The following RBM28 variants were observed in gnomAD, a reference collection of about 807,000 sequenced individuals.
The protein encoded by RBM28 is RNA-binding protein 28.
A neutral mutation model predicts 98.3 loss-of-function variants in RBM28; 78 were observed. The observed-to-expected ratio is 0.79, with a 90% CI of 0.66 to 0.96. RBM28 has a LOEUF of 0.96. RBM28 is among the 40% of genes least tolerant of loss of function. RBM28 has a pLI of 0.00. For missense variants in RBM28, 838 were observed against 913.0 expected (o/e 0.92, Z 1.06); for synonymous variants, 306 against 330.9 (o/e 0.92, Z 0.82).
intron 16 of RBM28, among the ~76,000 whole-genome samples, chr7:128,316,394 C>A (rs570994515): frequency 1.3e-5 from 2 of 152,280 alleles, no homozygotes; most frequent in South Asian, 4.1e-4. Flanking sequence ...ATCCAGGCAA[C>A]AAATAAAGTA....
At position 128,310,937 on chromosome 7, in the gene RBM28, A is replaced by C. The variant is rs935070483; in HGVS notation, c.2146-6T>G. The C allele has an allele frequency of 3.1e-6, 5 of 1,610,894 alleles. No individual in the cohort carries two copies. In the African/African-American group the frequency reaches 5.3e-5, roughly 17 times the overall value. On this transcript the variant is annotated splice_polypyrimidine_tract_variant and splice_region_variant and intron_variant, in intron 18 of 18. Transcript: ENST00000223073. ...TTAGCTTTTTTCCTAGATACCTACA[A>C]ATGAAAGGATTAGAAACATAATATA...
intron 11 of RBM28, among the ~76,000 whole-genome samples, 158 bp downstream of exon 11, chr7:128,325,660 A>G (rs981039596): frequency 6.6e-6 from 1 of 152,210 alleles, no homozygotes; most frequent in East Asian, 1.9e-4. Context: ...AAGATAATGC[A>G]TGTAAAGTTC....
At chr7:128,330,770 C>T (rs778832371) in intron 10 of RBM28, 49 bp downstream of exon 10, 20 of 1,302,668 alleles carry the variant, frequency 1.5e-5, no homozygotes, top group Admixed American at 1.0e-4. Flanking sequence ...TCAGTGCCCA[C>T]GGCAGTGGTC....
intron 13 of RBM28, among the ~76,000 whole-genome samples, chr7:128,322,821 C>T (rs767951641): frequency 6.6e-6 from 1 of 152,092 alleles, no homozygotes; most frequent in Non-Finnish European, 1.5e-5. Context: ...AGAATCTGTG[C>T]CCACTGAAAA....
intron 17 of RBM28, 119 bp downstream of exon 17, chr7:128,314,645 A>G (rs1246023605): frequency 1.3e-6 from 2 of 1,514,402 alleles, no homozygotes; most frequent in Non-Finnish European, 1.8e-6. Flanking sequence ...GTGTGGGAAT[A>G]CATAGCACCA....
In RBM28 at chr7:128,335,957, G is replaced by C. The variant is rs751620358; in HGVS notation, c.699C>G (p.Asn233Lys). 2.3e-5 allele frequency: 37 copies of C among 1,606,062 alleles called. No individual in the cohort carries two copies. Among genetic ancestry groups the C allele is most frequent in the Non-Finnish European group, 3.2e-5 (37 of 1,173,304 alleles). The part of the protein sequence containing the change: ...REEEDMEEEE[N>K]DDDDDDDDEE... ...CATCATCATCATCGTCATCATCATCGTTTTCTTCCTCTTCCATATCCTCTT... is the reference window on the plus strand; with the variant it reads ...CATCATCATCATCGTCATCATCATCCTTTTCTTCCTCTTCCATATCCTCTT... Residue 233 changes from asparagine (N) to lysine (K), a missense_variant, in exon 7 of 19, where the codon AAC becomes AAG. Transcript: ENST00000223073.
chr7:128,300,219 G>T lies in RBM28; in HGVS notation c.*10578C>A, dbSNP rs1272803488. The T allele has an allele frequency of 6.6e-6, 1 of 152,246 alleles. No homozygotes were observed. The highest frequency in any genetic ancestry group is 1.5e-5 in the Non-Finnish European group (1 of 68,056). The allele number at this position is 152,246 out of a possible 1,614,324, so 9.4% of individuals were successfully genotyped here. A position where few individuals can be genotyped will look rare whatever the true frequency, so the allele number is the denominator to read the frequency against. On this transcript the variant is annotated 3_prime_UTR_variant, in exon 19 of 19. Coordinates refer to ENST00000223073, the MANE Select transcript of RBM28 (RefSeq NM_018077.3). ...GGTTTTCACAAAGAAGCTCAAAGTG[G>T]AGGAATGATCTCTGGACATGAAGCC...
intron 14 of RBM28, among the ~76,000 whole-genome samples, chr7:128,320,521 C>T (rs1796209011): frequency 6.6e-6 from 1 of 152,020 alleles, no homozygotes; most frequent in South Asian, 2.1e-4. Context: ...TTGGTGTGAA[C>T]CCAGTGTTTT....
rs1795943792 is a variant in RBM28 at position 128,309,865 on chromosome 7, G to T, written c.*932C>A. The stretch of plus-strand genomic sequence containing the variant: ...TCAAGAGTCAAGAGATGGAAGGAAG[G>T]CCTGTGTAGCCAAAAGTGAATGAAG... On this transcript the variant is annotated 3_prime_UTR_variant, in exon 19 of 19. Coordinates refer to ENST00000223073, the MANE Select transcript of RBM28 (RefSeq NM_018077.3). 6.6e-6 allele frequency: 1 copy of T among 152,188 alleles called. No individual in the cohort carries two copies. Among genetic ancestry groups the T allele is most frequent in the African/African-American group, 2.4e-5 (1 of 41,392 alleles). 9.4% of individuals were successfully genotyped at this position (152,188 alleles called of 1,614,324 possible).
At position 128,343,660 on chromosome 7, in the gene RBM28, A is replaced by G. The variant is rs773641403; in HGVS notation, c.118+16T>C. On this transcript the variant is annotated intron_variant, in intron 1 of 18. Transcript: ENST00000223073. ...GCAGGAAACCCCAGCCCTATCCTCG[A>G]CCGCCCCGCCCCTACCTTTTTCAGT... 1.3e-6 allele frequency: 2 copies of G among 1,593,224 alleles called. No individual in the cohort carries two copies. Among genetic ancestry groups the G allele is most frequent in the South Asian group, 2.2e-5 (2 of 89,152 alleles).
rs752158613 is a variant in RBM28 at position 128,335,864 on chromosome 7, A to C, written c.792T>G (p.Pro264=). 6 of 1,614,148 alleles carry C rather than the reference A, an allele frequency of 3.7e-6. No individual in the cohort carries two copies. The South Asian group carries it at 6.6e-5, about 18-fold the overall frequency. Residue 264 remains proline, a synonymous_variant, in exon 7 of 19, where the codon CCT becomes CCG. Coordinates refer to ENST00000223073, the MANE Select transcript of RBM28 (RefSeq NM_018077.3). ...EENIESKVTK[P]VQIQKRAVKR... ...CTGCTTACCTCTTCTGAATTTGCAC[A>C]GGCTTGGTCACCTTTGATTCTATAT...
rs1388509489 is a variant in RBM28, at chr7:128,304,612, G to C, written c.*6185C>G. 6.6e-6 allele frequency: 1 copy of C among 152,404 alleles called. No homozygotes were observed. Among genetic ancestry groups the C allele is most frequent in the Non-Finnish European group, 1.5e-5 (1 of 68,208 alleles). 9.4% of individuals were successfully genotyped at this position (152,404 alleles called of 1,614,324 possible). On this transcript the variant is annotated 3_prime_UTR_variant, in exon 19 of 19. Transcript: ENST00000223073. The stretch of plus-strand genomic sequence containing the variant: ...TCCATCTTGCTGGTTTGGTGAGGGA[G>C]GCTGCTTTCAGATTTCAAGTGGACA...
rs756114428 is a variant in RBM28, at chr7:128,339,331, A to G, written c.278-10T>C. On this transcript the variant is annotated splice_polypyrimidine_tract_variant and intron_variant, in intron 2 of 18. Transcript: ENST00000223073. ...GGGCACTCTGAGTTTTCTAAAAAAT[A>G]AGAGGTAATGGAATAAGTACTCGAA... 4 of 1,591,252 alleles carry G rather than the reference A, an allele frequency of 2.5e-6. No individual in the cohort carries two copies. The highest frequency in any genetic ancestry group is 3.4e-6 in the Non-Finnish European group (4 of 1,160,754).
At chr7:128,338,149 T>C (rs1388132573) in intron 5 of RBM28, 101 bp downstream of exon 5, 4 of 854,542 alleles carry the variant, frequency 4.7e-6, no homozygotes, top group Non-Finnish European at 7.9e-6. Flanking sequence ...AGACTCTTAA[T>C]AATGCAAACA....
At chr7:128,335,438 C>T in intron 8 of RBM28, 105 bp downstream of exon 8, 2 of 1,372,304 alleles carry the variant, frequency 1.5e-6, no homozygotes, top group Non-Finnish European at 2.0e-6. Context: ...GATAGAACAC[C>T]TTAGAGTCCT....
Position 128,307,924 on chromosome 7 carries a change from G to A in RBM28, c.*2873C>T, listed in dbSNP as rs1174669354. On this transcript the variant is annotated 3_prime_UTR_variant, in exon 19 of 19. Transcript: ENST00000223073. ...CACCTCCCGAAGTGCTGCAATCATA[G>A]GTATGAGACTCTGTGCCCCACCTGT... 6.6e-6 allele frequency: 1 copy of A among 152,156 alleles called. No homozygotes were observed. The highest frequency in any genetic ancestry group is 1.5e-5 in the Non-Finnish European group (1 of 68,028). 9.4% of individuals were successfully genotyped at this position (152,156 alleles called of 1,614,324 possible).
At chr7:128,334,948 G>C (rs1232631221) in intron 8 of RBM28, among the ~76,000 whole-genome samples, 1 of 152,190 alleles carries the variant, frequency 6.6e-6, no homozygotes, top group African/African-American at 2.4e-5. Context: ...GGCCATGCAA[G>C]CACATAGCGA....
chr7:128,332,642 G>A (rs906911909), intron 9 of RBM28, among the ~76,000 whole-genome samples: 5 of 152,050 alleles, frequency 3.3e-5, no homozygotes, highest in Non-Finnish European at 5.9e-5. Flanking sequence ...CTGAGCCACC[G>A]CACCCAAGAA....
At chr7:128,341,180 G>A (rs2116396370) in intron 1 of RBM28, 2 of 1,289,674 alleles carry the variant, frequency 1.6e-6, no homozygotes, top group South Asian at 1.2e-5. Flanking sequence ...ATCTCCTTCA[G>A]GGTATAAGCC....
Sources: allele counts gnomAD v4.1 joint callset (sites outside exome capture counted in the v4.1 genomes callset), GRCh38; gene constraint gnomAD v4.1.1; transcripts MANE v1.5; gene names NCBI Gene and HGNC (gene_info 2026-07-23, HGNC 2026-07-21).